MYO5A: variants seen among roughly 807,000 people sequenced by gnomAD.
MYO5A encodes the protein unconventional myosin-Va.
A neutral mutation model predicts 249.7 loss-of-function variants in MYO5A; 98 were observed. That is an observed-to-expected ratio of 0.39 (90% CI 0.33 to 0.46). The LOEUF (loss-of-function observed/expected upper bound fraction) is 0.46, where lower values mean the gene tolerates loss of function less well. Ranked by LOEUF, MYO5A falls within the 20% of genes least tolerant of loss-of-function variation. MYO5A has a pLI of 0.98. For missense variants in MYO5A, 1,696 were observed against 2,308.8 expected, an observed-to-expected ratio of 0.73 and a Z score of 5.44; for synonymous variants, 778 against 810.6, an observed-to-expected ratio of 0.96 and a Z score of 0.68.
intron 18 of MYO5A, among the ~76,000 whole-genome samples, chr15:52,377,882 A>T (rs556792770): frequency 4.5e-4 from 68 of 152,284 alleles, no homozygotes; most frequent in African/African-American, 1.5e-3. Context: ...TGTGATCTGA[A>T]AGTCTAAGGG....
chr15:52,336,043 T>C (rs750199464), intron 34 of MYO5A, among the ~76,000 whole-genome samples: 9 of 152,238 alleles, frequency 5.9e-5, no homozygotes, highest in Non-Finnish European at 8.8e-5. Context: ...ATAGATGCTA[T>C]TATCTTTCTA....
chr15:52,496,408 TC>T (rs57503889), intron 1 of MYO5A, among the ~76,000 whole-genome samples: 109,229 of 152,056 alleles, frequency 0.72, 41,566 homozygotes, highest in Non-Finnish European at 0.83. Context: ...CCTGGAAACG[TC>T]CCAGGAAATG....
intron 5 of MYO5A, among the ~76,000 whole-genome samples, chr15:52,415,710 A>G (rs1430814071): frequency 6.6e-6 from 1 of 152,250 alleles, no homozygotes. Flanking sequence ...GGGCAAAGGA[A>G]TAAGGAAACT....
intron 1 of MYO5A, among the ~76,000 whole-genome samples, chr15:52,439,612 A>G (rs1047324911): frequency 4.7e-4 from 71 of 152,188 alleles, no homozygotes; most frequent in Non-Finnish European, 9.1e-4. Context: ...AAAAATTGGC[A>G]ACATTCCACA....
chr15:52,407,784 A>G (rs1405880195), intron 7 of MYO5A, among the ~76,000 whole-genome samples: 2 of 152,082 alleles, frequency 1.3e-5, no homozygotes, highest in Admixed American at 6.6e-5. Context: ...AACACATACA[A>G]AAGTAGAGAG....
intron 11 of MYO5A, among the ~76,000 whole-genome samples, chr15:52,395,471 A>G (rs2042449794): frequency 6.6e-6 from 1 of 152,132 alleles, no homozygotes; most frequent in Non-Finnish European, 1.5e-5. Context: ...TCTATCTTCT[A>G]ATTCCTATGG....
In MYO5A at chr15:52,436,780, T is replaced by C. The variant is rs539812836; in HGVS notation, c.28-3495A>G. On this transcript the variant is annotated intron_variant, in intron 1 of 41. Transcript: ENST00000399233. ...TTTAAATTGAATATAAGTAGCATGA[T>C]TAAAAGCTCGCTCAATTGCTTTAAT... 3.3e-5 allele frequency among the ~76,000 whole-genome samples: 5 copies of C among 152,304 alleles called. No homozygotes were observed. The East Asian group carries it at 9.6e-4, about 29-fold the overall frequency.
At chr15:52,419,073 C>T (rs985244718) in intron 4 of MYO5A, among the ~76,000 whole-genome samples, 1 of 152,174 alleles carries the variant, frequency 6.6e-6, no homozygotes, top group Admixed American at 6.5e-5. Context: ...TTGCCTCAAA[C>T]CTGAGTAATG....
At position 52,367,107 on chromosome 15, in the gene MYO5A, C is replaced by T; in HGVS notation, c.3084G>A (p.Lys1028=). ...CTTGCTTCAGCAAAGTATTTTCTTC[C>T]TTCAGATTTGATACCAGCTACGAAA... The part of the protein sequence containing the change: ...QETEQLVSNL[K]EENTLLKQEK... The change falls in exon 23 of 42, where the codon AAG becomes AAA. Residue 1028 remains lysine (K), a synonymous_variant. Coordinates refer to ENST00000399233, the MANE Select transcript of MYO5A (RefSeq NM_001382347.1). The T allele has an allele frequency of 6.2e-7, 1 of 1,613,456 alleles. No individual in the cohort carries two copies. The highest frequency in any genetic ancestry group is 1.3e-5 in the African/African-American group (1 of 74,998).
chr15:52,457,106 A>G (rs1238961334), intron 1 of MYO5A, among the ~76,000 whole-genome samples: 1 of 151,804 alleles, frequency 6.6e-6, no homozygotes, highest in Admixed American at 6.6e-5. Flanking sequence ...TCAATTCAAC[A>G]GCAAAACAAA....
At position 52,313,578 on chromosome 15, in the gene MYO5A, C is replaced by T. The variant is rs79271833; in HGVS notation, c.*118G>A. ...GGGAGATTTCCAGTTAATGACTTCT[C>T]ATTTGGGAGATAATCAGTACTTTCT... On this transcript the variant is annotated 3_prime_UTR_variant, in exon 42 of 42. Transcript: ENST00000399233. The T allele has an allele frequency of 1.5e-3, 1,908 of 1,282,044 alleles. 27 individuals are homozygous for T. The African/African-American group carries it at 0.026, about 17-fold the overall frequency. 79.4% of individuals were successfully genotyped at this position (1,282,044 alleles called of 1,614,324 possible). A position where few individuals can be genotyped will look rare whatever the true frequency, so the allele number is the denominator to read the frequency against.
chr15:52,431,419 AACATAG>A (rs1422392844), intron 2 of MYO5A, among the ~76,000 whole-genome samples: 1 of 151,908 alleles, frequency 6.6e-6, no homozygotes, highest in Non-Finnish European at 1.5e-5. Context: ...TACATATGTA[AACATAG>A]ACATAAAGTA....
At chr15:52,474,858 T>C (rs1489787854) in intron 1 of MYO5A, among the ~76,000 whole-genome samples, 1 of 152,202 alleles carries the variant, frequency 6.6e-6, no homozygotes, top group Non-Finnish European at 1.5e-5. Flanking sequence ...CTTTTTTTGT[T>C]GTGTCTCTGC....
At chr15:52,439,292 A>G (rs1350430249) in intron 1 of MYO5A, among the ~76,000 whole-genome samples, 1 of 152,220 alleles carries the variant, frequency 6.6e-6, no homozygotes, top group African/African-American at 2.4e-5. Flanking sequence ...GGATTCTGTC[A>G]TGATTAGCTA....
At chr15:52,521,315 C>T (rs888985709) in intron 1 of MYO5A, among the ~76,000 whole-genome samples, 2 of 152,058 alleles carry the variant, frequency 1.3e-5, no homozygotes, top group African/African-American at 4.8e-5. Flanking sequence ...ATCTGTCTAG[C>T]CTCTTCACTG....
At chr15:52,330,286 G>A in intron 35 of MYO5A, 67 bp downstream of exon 35, 1 of 1,585,718 alleles carries the variant, frequency 6.3e-7, no homozygotes, top group Non-Finnish European at 8.7e-7. Context: ...AAAAATTAGT[G>A]ACTAGTTTTT....
intron 24 of MYO5A, among the ~76,000 whole-genome samples, chr15:52,363,990 G>C (rs1303643068): frequency 6.6e-6 from 1 of 152,162 alleles, no homozygotes; most frequent in East Asian, 1.9e-4. Context: ...TGTAATCCCA[G>C]CACTTTGGGA....
At chr15:52,426,260 A>G (rs540549682) in intron 3 of MYO5A, among the ~76,000 whole-genome samples, 2 of 152,212 alleles carry the variant, frequency 1.3e-5, no homozygotes, top group Non-Finnish European at 2.9e-5. Context: ...TAATCCAAAA[A>G]TTCCACTTTA....
chr15:52,440,277 T>TC (rs1379294598), intron 1 of MYO5A, among the ~76,000 whole-genome samples: 2 of 151,088 alleles, frequency 1.3e-5, no homozygotes, highest in Non-Finnish European at 3.0e-5. Context: ...TTTTTCTTTT[T>TC]TTTTTTCTGA....
Sources: gnomAD v4.1 joint callset for allele counts (sites outside exome capture counted in the v4.1 genomes callset) on GRCh38, gnomAD v4.1.1 for gene constraint, MANE v1.5 for transcripts, NCBI Gene and HGNC (gene_info 2026-07-23, HGNC 2026-07-21) for gene names.